CEP170B: variants seen among roughly 807,000 people sequenced by gnomAD.
CEP170B encodes the protein centrosomal protein of 170 kDa protein B.
CEP170B carries 55 observed loss-of-function variants against 120.6 expected under a neutral mutation model. The ratio of observed to expected loss-of-function variants is 0.46; its 90% CI spans 0.37 to 0.57. CEP170B has a LOEUF of 0.57. CEP170B is among the 20% of genes least tolerant of loss of function. CEP170B has a pLI of 0.00. For synonymous variants in CEP170B, 1,033 were observed against 954.5 expected, an observed-to-expected ratio of 1.08 and a Z score of -1.52; for missense variants, 2,212 against 2,253.3, an observed-to-expected ratio of 0.98 and a Z score of 0.37.
rs140152425 is a variant in CEP170B, at chr14:104,870,475, G to A, written c.105+1920G>A. On this transcript the variant is annotated intron_variant, in intron 2 of 18. Transcript: ENST00000414716. This position sits in a 1 kb window ranked among gnomAD's most constrained non-coding sequence, Gnocchi z 4.1. ...TACAGGGGTGGCATCAGTGATGGCC[G>A]CGCTGCTCTACCTAGGGTGGCTAGG... Among the ~76,000 whole-genome samples the A allele has an allele frequency of 5.6e-4, 85 of 152,274 alleles. 1 individual carries two copies. The highest frequency in any genetic ancestry group is 3.9e-3 in the South Asian group (19 of 4,818).
intron 2 of CEP170B, among the ~76,000 whole-genome samples, chr14:104,874,467 C>T (rs1441995913): frequency 6.6e-6 from 1 of 152,124 alleles, no homozygotes; most frequent in African/African-American, 2.4e-5. Flanking sequence ...CCAGGGAGGG[C>T]ATGTGGGGCA....
At position 104,887,725 on chromosome 14, in the gene CEP170B, G is replaced by T; in HGVS notation, c.3486G>T (p.Lys1162Asn). ...PVGRPAAEQA[K>N]KLSRLDILAM... ...GCCGGCCAGCTGCTGAGCAGGCCAA[G>T]AAGCTGTCACGCCTGGACATCCTGG... Residue 1162 changes from lysine (K) to asparagine (N), a missense_variant, in exon 12 of 19, where the codon AAG (lysine) becomes AAT (asparagine). This residue lies in a region of CEP170B where 2,166 missense variants were observed against 2,166.7 expected (regional missense o/e 1.00). Transcript: ENST00000414716. The T allele has an allele frequency of 6.3e-7, 1 of 1,586,744 alleles. No homozygotes were observed.
intron 13 of CEP170B, among the ~76,000 whole-genome samples, chr14:104,890,282 G>A (rs1241882482): frequency 7.9e-6 from 1 of 126,110 alleles, no homozygotes; most frequent in Non-Finnish European, 1.7e-5. Flanking sequence ...GAATGGATGA[G>A]TGAGTGGGTG....
At chr14:104,885,651 C>G in intron 10 of CEP170B, 109 bp downstream of exon 10, 5 of 1,391,882 alleles carry the variant, frequency 3.6e-6, no homozygotes, top group African/African-American at 1.5e-5. Flanking sequence ...GGACTTTCCT[C>G]TGAGGGACAC....
At position 104,895,555 on chromosome 14, in the gene CEP170B, G is replaced by A. The variant is rs1022781613; in HGVS notation, c.*597G>A. 1 of 152,740 alleles carries A rather than the reference G, an allele frequency of 6.5e-6. No homozygotes were observed. Among genetic ancestry groups the A allele is most frequent in the Admixed American group, 6.5e-5 (1 of 15,294 alleles). 9.5% of individuals were successfully genotyped at this position (152,740 alleles called of 1,614,324 possible). ...GGAGCCCCACTGCTTCCAGCCTCTG[G>A]TGCCAACACAGTTGCCAAACCCATT... On this transcript the variant is annotated 3_prime_UTR_variant, in exon 19 of 19. Coordinates refer to ENST00000414716, the MANE Select transcript of CEP170B (RefSeq NM_001112726.3).
chr14:104,887,490 C>A lies in CEP170B; in HGVS notation c.3251C>A (p.Ala1084Asp). 6.2e-7 allele frequency: 1 copy of A among 1,611,802 alleles called. No individual in the cohort carries two copies. The highest frequency in any genetic ancestry group is 2.2e-5 in the East Asian group (1 of 44,866). ...GRLGSRRKPA[A>D]PPPSPAAREE... ...CTAGGTTCTCGCCGGAAACCAGCGG[C>A]CCCACCGCCATCCCCAGCTGCCCGG... is the stretch of plus-strand genomic sequence containing the variant. The change falls in exon 12 of 19, where the codon GCC becomes GAC. Residue 1084 changes from alanine (A) to aspartate (D), a missense_variant. Ala to Asp is a moderately radical substitution (Grantham distance 126). Transcript: ENST00000414716.
chr14:104,864,671 G>C (rs1294092414), upstream of CEP170B, among the ~76,000 whole-genome samples: 1 of 150,284 alleles, frequency 6.7e-6, no homozygotes, highest in African/African-American at 2.4e-5. The surrounding 1 kb of genome is among the most constrained non-coding windows in gnomAD (Gnocchi z 5.9). Flanking sequence ...ATCGCCCCCA[G>C]CTCAGCCCAG....
chr14:104,895,100 G>A lies in CEP170B; in HGVS notation c.*142G>A, dbSNP rs144968071. ...ATCCCTGTGGGCGGGTGCCTCCCAC[G>A]CCCTTGCCCCCTCGTCAGCTCCCAG... On this transcript the variant is annotated 3_prime_UTR_variant, in exon 19 of 19. Transcript: ENST00000414716. 9.8e-4 allele frequency: 937 copies of A among 953,358 alleles called. 11 individuals are homozygous for A. In the African/African-American group the frequency reaches 0.014, roughly 14 times the overall value. The allele number at this position is 953,358 out of a possible 1,614,324, so 59.1% of individuals were successfully genotyped here. A position where few individuals can be genotyped will look rare whatever the true frequency, so the allele number is the denominator to read the frequency against.
chr14:104,887,214 C>G lies in CEP170B; in HGVS notation c.2975C>G (p.Ala992Gly), dbSNP rs952533905. ...GAGATGTCGCCATCCCCGCCAGCTG[C>G]ACAGGACCCGGGAGGCACCGCCCTG... ...QKEMSPSPPAAQDPGGTALVS... is the reference protein window; with the variant it reads ...QKEMSPSPPAGQDPGGTALVS... Residue 992 changes from alanine (A) to glycine (G), a missense_variant, in exon 12 of 19, where the codon GCA (alanine) becomes GGA (glycine). Ala to Gly is a moderately conservative substitution (Grantham distance 60, BLOSUM62 0). Around this residue, in one of 2 missense-constraint regions of CEP170B, gnomAD observed 2,166 missense variants for 2,166.7 expected, o/e 1.00. Transcript: ENST00000414716. 21 of 1,605,950 alleles carry G rather than the reference C, an allele frequency of 1.3e-5. No homozygotes were observed. Among genetic ancestry groups the G allele is most frequent in the Non-Finnish European group, 1.8e-5 (21 of 1,179,678 alleles).
At chr14:104,893,465 C>G in intron 14 of CEP170B, 58 bp from the exon 15 acceptor site, 1 of 1,558,036 alleles carries the variant, frequency 6.4e-7, no homozygotes, top group Non-Finnish European at 8.7e-7. Flanking sequence ...GGAGGTGCAG[C>G]CACAGCCTGG....
In CEP170B at chr14:104,869,797, A is replaced by G. The variant is rs373892963; in HGVS notation, c.105+1242A>G. Among the ~76,000 whole-genome samples, 20 of 152,254 alleles carry G rather than the reference A, an allele frequency of 1.3e-4. 1 individual carries two copies. The East Asian group carries it at 3.9e-3, about 29-fold the overall frequency. ...GAGACAGGGCCCTCTCCAGACACCAAATTGGCCGGCGCCTAGATCTCGGGC... is the reference window on the plus strand; with the variant it reads ...GAGACAGGGCCCTCTCCAGACACCAGATTGGCCGGCGCCTAGATCTCGGGC... On this transcript the variant is annotated intron_variant, in intron 2 of 18. Transcript: ENST00000414716.
rs995851357 is a variant in CEP170B at position 104,896,081 on chromosome 14, TTGG to T, written c.*1127_*1129del. The T allele has an allele frequency of 1.1e-4, 17 of 158,342 alleles. No homozygotes were observed. Among genetic ancestry groups the T allele is most frequent in the Admixed American group, 8.6e-4 (14 of 16,212 alleles). The allele number at this position is 158,342 out of a possible 1,614,324, so 9.8% of individuals were successfully genotyped here. On this transcript the variant is annotated 3_prime_UTR_variant, in exon 19 of 19. Coordinates refer to ENST00000414716, the MANE Select transcript of CEP170B (RefSeq NM_001112726.3). ...AAGCCAAAGAGCCCGTTGGCCGTGG[TTGG>T]TGGGGGTGGACGTGGGGGTGTCCCA... is the stretch of plus-strand genomic sequence containing the variant.
chr14:104,880,566 A>C (rs997332788), intron 6 of CEP170B, 141 bp downstream of exon 6: 17 of 1,263,712 alleles, frequency 1.3e-5, no homozygotes, highest in African/African-American at 1.3e-4. Flanking sequence ...GCACACACCT[A>C]CCCTTGCACA....
In CEP170B at chr14:104,896,540, A is replaced by G. The variant is rs1454385302; in HGVS notation, c.*1582A>G. 1 of 453,732 alleles carries G rather than the reference A, an allele frequency of 2.2e-6. No individual in the cohort carries two copies. The highest frequency in any genetic ancestry group is 1.6e-5 in the South Asian group (1 of 64,504). The allele number at this position is 453,732 out of a possible 1,614,324, so 28.1% of individuals were successfully genotyped here. On this transcript the variant is annotated 3_prime_UTR_variant, in exon 19 of 19. Coordinates refer to ENST00000414716, the MANE Select transcript of CEP170B (RefSeq NM_001112726.3). ...AGTGGCTGTGCAATGTTTTAAGTTC[A>G]CAAGTTCCTGCTCCTCCCCACACTG... is the stretch of plus-strand genomic sequence containing the variant.
rs753031175 is a variant in CEP170B, at chr14:104,887,256, A to G, written c.3017A>G (p.Gln1006Arg). 23 of 1,607,592 alleles carry G rather than the reference A, an allele frequency of 1.4e-5. No individual in the cohort carries two copies. The South Asian group carries it at 2.4e-4, about 17-fold the overall frequency. The change falls in exon 12 of 19, where the codon CAG (glutamine) becomes CGG (arginine). Residue 1006 changes from glutamine (Q) to arginine (R), a missense_variant. Gln to Arg is a conservative substitution (Grantham distance 43). Coordinates refer to ENST00000414716, the MANE Select transcript of CEP170B (RefSeq NM_001112726.3). ...ACCGCCCTGGTCAGTGCCCGTGAGC[A>G]GTCCTCAGAGAGGCAGCATCACCCA... ...GGTALVSAREQSSERQHHPLG... is the reference protein window; with the variant it reads ...GGTALVSARERSSERQHHPLG...
rs1306816317 is a variant in CEP170B, at chr14:104,868,214, G to A, written c.-27-210G>A. ...AGCCTTTGCCAGGGATGGACGTGAT[G>A]GGAAAGGCCGGTCACGAGGGCAAAG... On this transcript the variant is annotated intron_variant, in intron 1 of 18. Transcript: ENST00000414716. This position sits in a 1 kb window ranked among gnomAD's most constrained non-coding sequence, Gnocchi z 5.9. Among the ~76,000 whole-genome samples the A allele has an allele frequency of 1.3e-5, 2 of 152,128 alleles. No individual in the cohort carries two copies. Among genetic ancestry groups the A allele is most frequent in the South Asian group, 4.1e-4 (2 of 4,836 alleles).
In CEP170B at chr14:104,889,111, C is replaced by T. The variant is rs561032732; in HGVS notation, c.3740-509C>T. 1.4e-3 allele frequency among the ~76,000 whole-genome samples: 209 copies of T among 152,326 alleles called. 1 individual carries two copies. Among genetic ancestry groups the T allele is most frequent in the Non-Finnish European group, 4.0e-4 (27 of 68,024 alleles). On this transcript the variant is annotated intron_variant, in intron 12 of 18. Coordinates refer to ENST00000414716, the MANE Select transcript of CEP170B (RefSeq NM_001112726.3). ...GGAGGGACTGCAGTGGCCTTGCTTG[C>T]GCTCTGACTGGTCCTTGCCTGTCTG...
In CEP170B at chr14:104,868,668, C is replaced by A; in HGVS notation, c.105+113C>A. The A allele has an allele frequency of 2.0e-6, 2 of 1,021,400 alleles. No individual in the cohort carries two copies. Among genetic ancestry groups the A allele is most frequent in the Non-Finnish European group, 2.8e-6 (2 of 705,084 alleles). The allele number at this position is 1,021,400 out of a possible 1,614,324, so 63.3% of individuals were successfully genotyped here. On this transcript the variant is annotated intron_variant, in intron 2 of 18. Transcript: ENST00000414716. This position sits in a 1 kb window ranked among gnomAD's most constrained non-coding sequence, Gnocchi z 5.9. ...CAGGCCACCCTGGCGAGGAGGCCGCCATGCAGCCCAGGCTGGGCCTCTTAA... is the reference window on the plus strand; with the variant it reads ...CAGGCCACCCTGGCGAGGAGGCCGCAATGCAGCCCAGGCTGGGCCTCTTAA...
intron 2 of CEP170B, among the ~76,000 whole-genome samples, chr14:104,873,911 G>A (rs1211274239): frequency 2.6e-5 from 4 of 152,284 alleles, no homozygotes; most frequent in South Asian, 2.1e-4. Flanking sequence ...CCCTGGCCCC[G>A]TGGAGCCCAT....
Sources: gnomAD v4.1 joint callset for allele counts (sites outside exome capture counted in the v4.1 genomes callset) on GRCh38, gnomAD v4.1.1 for gene constraint, gnomAD v4.1.1 regional missense constraint, Gnocchi (gnomAD v3.1) non-coding constraint, MANE v1.5 for transcripts, NCBI Gene and HGNC (gene_info 2026-07-23, HGNC 2026-07-21) for gene names.